EXT2: variants seen among roughly 807,000 people sequenced by gnomAD.
The protein encoded by EXT2 is exostosin-2.
EXT2 carries 53 observed loss-of-function variants against 81.6 expected under a neutral mutation model. The ratio of observed to expected loss-of-function variants is 0.65; its 90% CI spans 0.52 to 0.82. The LOEUF (loss-of-function observed/expected upper bound fraction) is 0.82, where lower values mean the gene tolerates loss of function less well. EXT2 is among the 40% of genes least tolerant of loss of function. The pLI, the probability that EXT2 is intolerant of heterozygous loss-of-function variation, is 0.00. For missense variants in EXT2, 774 were observed against 910.2 expected (o/e 0.85, Z 1.93); for synonymous variants, 320 against 340.0 (o/e 0.94, Z 0.65).
At chr11:44,209,309 C>A (rs182304724) in intron 10 of EXT2, among the ~76,000 whole-genome samples, 3 of 152,168 alleles carry the variant, frequency 2.0e-5, no homozygotes, top group Non-Finnish European at 4.4e-5. Context: ...AGTAAGTACA[C>A]TTCCTGTGTG....
At chr11:44,199,665 A>C (rs1955499335) in intron 9 of EXT2, among the ~76,000 whole-genome samples, 1 of 152,238 alleles carries the variant, frequency 6.6e-6, no homozygotes, top group African/African-American at 2.4e-5. Context: ...TGAGTTATTT[A>C]TTGTGAATTT....
chr11:44,217,441 G>A (rs1312482287), intron 10 of EXT2, among the ~76,000 whole-genome samples: 3 of 152,166 alleles, frequency 2.0e-5, no homozygotes, highest in Non-Finnish European at 4.4e-5. Flanking sequence ...TTTGGGAAAT[G>A]TTCCATTCTC....
At chr11:44,144,382 C>CT (rs1466927734) in intron 7 of EXT2, 1 of 1,507,420 alleles carries the variant, frequency 6.6e-7, no homozygotes, top group Admixed American at 1.7e-5. Context: ...AAATGAATCT[C>CT]TAGTCTCTTT....
intron 7 of EXT2, 39 bp from the exon 8 acceptor site, chr11:44,171,572 C>G: frequency 1.9e-6 from 3 of 1,614,002 alleles, no homozygotes; most frequent in Non-Finnish European, 2.5e-6. Context: ...CCCACTCTGT[C>G]TCGCTTGCTC....
intron 13 of EXT2, among the ~76,000 whole-genome samples, chr11:44,237,090 C>T (rs1021870192): frequency 5.3e-5 from 8 of 152,188 alleles, no homozygotes; most frequent in Non-Finnish European, 1.2e-4. Context: ...ATTATTTATA[C>T]AAGACAGCAA....
At chr11:44,183,588 G>C (rs1955266509) in intron 8 of EXT2, among the ~76,000 whole-genome samples, 1 of 150,980 alleles carries the variant, frequency 6.6e-6, no homozygotes, top group African/African-American at 2.4e-5. Context: ...CTTTTATTCT[G>C]TCCTTACCTT....
chr11:44,223,651 CTTTT>C (rs869143629), intron 10 of EXT2, among the ~76,000 whole-genome samples: 2 of 138,732 alleles, frequency 1.4e-5, no homozygotes, highest in Admixed American at 7.2e-5. Context: ...AGTTGTGTGT[CTTTT>C]TTTTTTTTTT....
intron 3 of EXT2, among the ~76,000 whole-genome samples, 157 bp downstream of exon 3, chr11:44,109,440 C>T (rs1225891618): frequency 6.6e-6 from 1 of 152,148 alleles, no homozygotes; most frequent in Non-Finnish European, 1.5e-5. Flanking sequence ...TTTAGAAGTG[C>T]TTAAATCTTT....
chr11:44,219,720 T>C (rs774414257), intron 10 of EXT2, among the ~76,000 whole-genome samples: 9 of 152,166 alleles, frequency 5.9e-5, no homozygotes, highest in African/African-American at 1.7e-4. Context: ...CATCTTGCCA[T>C]GGATGGGTTC....
At chr11:44,181,314 T>C (rs1174704009) in intron 8 of EXT2, among the ~76,000 whole-genome samples, 1 of 152,212 alleles carries the variant, frequency 6.6e-6, no homozygotes. Context: ...TGGCAAATTC[T>C]GTGTTCTAAA....
chr11:44,124,731 T>G, intron 4 of EXT2, 58 bp from the exon 5 acceptor site: 1 of 1,497,776 alleles, frequency 6.7e-7, no homozygotes, highest in Non-Finnish European at 9.3e-7. Context: ...AAAGTTTGTC[T>G]TACCTTGACT....
intron 7 of EXT2, among the ~76,000 whole-genome samples, chr11:44,157,443 A>G (rs1223936524): frequency 6.6e-6 from 1 of 152,206 alleles, no homozygotes; most frequent in African/African-American, 2.4e-5. Context: ...TCCAAGCTGC[A>G]AGTCCTTCCC....
chr11:44,177,900 C>A (rs768707599), intron 8 of EXT2, among the ~76,000 whole-genome samples: 8 of 151,784 alleles, frequency 5.3e-5, no homozygotes, highest in Non-Finnish European at 1.0e-4. Flanking sequence ...ATTATTATAC[C>A]CAGAATAAGA....
intron 7 of EXT2, among the ~76,000 whole-genome samples, chr11:44,148,938 A>T (rs771804377): frequency 6.6e-6 from 1 of 152,208 alleles, no homozygotes; most frequent in Non-Finnish European, 1.5e-5. Context: ...TGAGGTAAAT[A>T]CATTTTTTTG....
chr11:44,120,920 A>G (rs920939256), intron 4 of EXT2, among the ~76,000 whole-genome samples: 1 of 152,210 alleles, frequency 6.6e-6, no homozygotes, highest in African/African-American at 2.4e-5. Context: ...TGCTGGGAGG[A>G]GACATGAAAG....
intron 7 of EXT2, among the ~76,000 whole-genome samples, chr11:44,164,065 A>G (rs1435591400): frequency 6.6e-6 from 1 of 151,502 alleles, no homozygotes; most frequent in Non-Finnish European, 1.5e-5. Context: ...TTTGTGTTTC[A>G]GTTTGGATAA....
At chr11:44,151,969 G>A (rs1954797857) in intron 7 of EXT2, among the ~76,000 whole-genome samples, 1 of 152,154 alleles carries the variant, frequency 6.6e-6, no homozygotes, top group Non-Finnish European at 1.5e-5. Flanking sequence ...AATGATATGT[G>A]ATATTGAACA....
intron 1 of EXT2, among the ~76,000 whole-genome samples, chr11:44,097,374 G>T (rs1028168493): frequency 6.6e-6 from 1 of 152,118 alleles, no homozygotes; most frequent in Non-Finnish European, 1.5e-5. Flanking sequence ...ATCAAGTAAG[G>T]CAATGAATTG....
intron 10 of EXT2, among the ~76,000 whole-genome samples, chr11:44,218,339 C>G (rs1955742684): frequency 6.6e-6 from 1 of 151,964 alleles, no homozygotes; most frequent in Middle Eastern, 3.2e-3. Flanking sequence ...TACAGGGGAC[C>G]CATCATCATA....
Sources: allele counts gnomAD v4.1 joint callset (sites outside exome capture counted in the v4.1 genomes callset), GRCh38; gene constraint gnomAD v4.1.1; transcripts MANE v1.5; gene names NCBI Gene and HGNC (gene_info 2026-07-23, HGNC 2026-07-21).